DNAH9: variants seen among roughly 807,000 people sequenced by gnomAD.
The protein encoded by DNAH9 is DNAH9 variant protein.
Under a neutral mutation model 471.6 loss-of-function variants are expected in DNAH9, and 345 were observed. The observed-to-expected ratio is 0.73, with a 90% CI of 0.67 to 0.80. DNAH9 has a LOEUF of 0.80. Ranked by LOEUF, DNAH9 falls within the 30% of genes least tolerant of loss-of-function variation. The pLI is 0.00. For synonymous variants in DNAH9, 2,093 were observed against 2,123.6 expected (o/e 0.99, Z 0.40); for missense variants, 5,407 against 5,609.2 (o/e 0.96, Z 1.15).
At chr17:11,880,323 C>G in intron 54 of DNAH9, 123 bp downstream of exon 54, 1 of 1,214,220 alleles carries the variant, frequency 8.2e-7, no homozygotes, top group Non-Finnish European at 1.1e-6. Flanking sequence ...TAGCTCCCTG[C>G]AGCACATCCA....
At chr17:11,818,361 A>G (rs922939359) in intron 45 of DNAH9, among the ~76,000 whole-genome samples, 9 of 151,890 alleles carry the variant, frequency 5.9e-5, no homozygotes, top group Non-Finnish European at 1.0e-4. Context: ...CCTGGGAGGC[A>G]GAGGTTGCAG....
Position 11,902,861 on chromosome 17 carries a change from G to T in DNAH9, c.11549G>T (p.Arg3850Leu), listed in dbSNP as rs183724436. 9.9e-6 allele frequency: 16 copies of T among 1,613,888 alleles called. No homozygotes were observed. Among genetic ancestry groups the T allele is most frequent in the Non-Finnish European group, 1.3e-5 (15 of 1,179,856 alleles). Reference sequence around the variant, plus strand: ...TGGAAGAACAAGACAGCCCTGCAGCGCCTCTGCATGCTGAGAGCCATGCGG... The same window carrying T: ...TGGAAGAACAAGACAGCCCTGCAGCTCCTCTGCATGCTGAGAGCCATGCGG... ...QEWKNKTALQRLCMLRAMRPD... is the reference protein window; with the variant it reads ...QEWKNKTALQLLCMLRAMRPD... Residue 3850 changes from arginine (R) to leucine (L), a missense_variant, in exon 60 of 69, where the codon CGC (arginine) becomes CTC (leucine). Arg to Leu is a moderately radical substitution (Grantham distance 102). Coordinates refer to ENST00000262442, the MANE Select transcript of DNAH9 (RefSeq NM_001372.4).
chr17:11,785,811 A>G (rs1000248543), intron 41 of DNAH9, among the ~76,000 whole-genome samples: 2 of 152,220 alleles, frequency 1.3e-5, no homozygotes, highest in African/African-American at 2.4e-5. Context: ...GGCCTGGACG[A>G]CTTTCCACCA....
chr17:11,674,501 G>T (rs184283202), intron 17 of DNAH9, among the ~76,000 whole-genome samples: 15 of 152,094 alleles, frequency 9.9e-5, no homozygotes, highest in Admixed American at 2.6e-4. Flanking sequence ...CCTTTTCTCT[G>T]CCTATTCATA....
rs536385142 is a variant in DNAH9 at position 11,942,000 on chromosome 17, C to T, written c.12661-303C>T. Among the ~76,000 whole-genome samples, 3 of 152,330 alleles carry T rather than the reference C, an allele frequency of 2.0e-5. No homozygotes were observed. In the East Asian group the frequency reaches 5.8e-4, roughly 29 times the overall value. On this transcript the variant is annotated intron_variant, in intron 66 of 68. Transcript: ENST00000262442. ...TTTCTAGTTTGATTCCCACAGCCAA[C>T]TGGATCAGCCTCTGAGTTTTTCAAC...
intron 8 of DNAH9, among the ~76,000 whole-genome samples, chr17:11,633,392 G>C (rs2073104314): frequency 6.6e-6 from 1 of 152,166 alleles, no homozygotes; most frequent in Non-Finnish European, 1.5e-5. Context: ...GTTTAAGATG[G>C]AATGGACTTC....
rs74458578 is a variant in DNAH9 at position 11,719,983 on chromosome 17, G to A, written c.5709+493G>A. 3.0e-4 allele frequency among the ~76,000 whole-genome samples: 46 copies of A among 152,216 alleles called. No individual in the cohort carries two copies. The East Asian group carries it at 7.6e-3, about 25-fold the overall frequency. The stretch of plus-strand genomic sequence containing the variant: ...GGCAGAATATTCTGCAAGGGCAGGC[G>A]TGATTTCTGAAAGCAGGCTAATCAA... On this transcript the variant is annotated intron_variant, in intron 27 of 68. Coordinates refer to ENST00000262442, the MANE Select transcript of DNAH9 (RefSeq NM_001372.4).
rs186033470 is a variant in DNAH9 at position 11,669,825 on chromosome 17, A to T, written c.3353+31A>T. The T allele has an allele frequency of 7.5e-5, 119 of 1,579,298 alleles. No homozygotes were observed. In the African/African-American group the frequency reaches 1.4e-3, roughly 18 times the overall value. On this transcript the variant is annotated intron_variant, in intron 17 of 68. Coordinates refer to ENST00000262442, the MANE Select transcript of DNAH9 (RefSeq NM_001372.4). ...ACAGTTGTTTTCACTTTCTTCCAGC[A>T]TGCTAGGCTGTGAGGAACACCATGT...
chr17:11,783,776 C>T (rs1264658559), intron 40 of DNAH9, 28 bp downstream of exon 40: 3 of 1,583,804 alleles, frequency 1.9e-6, no homozygotes, highest in Non-Finnish European at 2.6e-6. Context: ...GGACCTGGGT[C>T]CTAATCCTAT....
At chr17:11,716,265 T>C (rs1185676278) in intron 26 of DNAH9, among the ~76,000 whole-genome samples, 2 of 151,970 alleles carry the variant, frequency 1.3e-5, no homozygotes, top group Non-Finnish European at 2.9e-5. Flanking sequence ...GTATTTTCAG[T>C]AAAGACGGTT....
intron 26 of DNAH9, among the ~76,000 whole-genome samples, chr17:11,712,846 C>G (rs189563436): frequency 6.8e-6 from 1 of 147,376 alleles, no homozygotes; most frequent in Non-Finnish European, 1.5e-5. Flanking sequence ...TTGTCCCAGT[C>G]TTTGCTCATT....
At chr17:11,806,180 C>G (rs1486277873) in intron 43 of DNAH9, among the ~76,000 whole-genome samples, 1 of 152,130 alleles carries the variant, frequency 6.6e-6, no homozygotes, top group Non-Finnish European at 1.5e-5. Context: ...ACTAACACAT[C>G]CAGTATATTC....
intron 17 of DNAH9, among the ~76,000 whole-genome samples, chr17:11,678,341 A>G (rs909505762): frequency 1.3e-5 from 2 of 152,126 alleles, no homozygotes; most frequent in African/African-American, 4.8e-5. Flanking sequence ...CATACTTACC[A>G]TTATTGCTCT....
chr17:11,653,215 C>G (rs958084731), intron 14 of DNAH9, among the ~76,000 whole-genome samples: 2 of 152,216 alleles, frequency 1.3e-5, no homozygotes, highest in African/African-American at 4.8e-5. Flanking sequence ...TTATTACTAT[C>G]TTCATGGTGA....
rs767780716 is a variant in DNAH9, at chr17:11,608,199, G to C, written c.488G>C (p.Arg163Thr). 21 of 1,614,020 alleles carry C rather than the reference G, an allele frequency of 1.3e-5. No homozygotes were observed. Among genetic ancestry groups the C allele is most frequent in the Non-Finnish European group, 1.8e-5 (21 of 1,179,890 alleles). The part of the protein sequence containing the change: ...NWPHMICEDV[R>T]RHAHSLQCDL... Reference sequence around the variant, plus strand: ...CCCCACATGATATGTGAGGATGTCAGGCGGCACGCCCACAGCCTCCAATGT... The same window carrying C: ...CCCCACATGATATGTGAGGATGTCACGCGGCACGCCCACAGCCTCCAATGT... Residue 163 changes from arginine (R) to threonine (T), a missense_variant, in exon 2 of 69, where the codon AGG (arginine) becomes ACG (threonine). Physicochemically the swap from Arg to Thr is moderately conservative, Grantham distance 71 (BLOSUM62 -1). Transcript: ENST00000262442.
At position 11,891,932 on chromosome 17, in the gene DNAH9, C is replaced by T; in HGVS notation, c.11268C>T (p.Ala3756=). The change falls in exon 58 of 69, where the codon GCC becomes GCT. Residue 3756 remains alanine, a synonymous_variant. Transcript: ENST00000262442. ...AGTGTGATAAGCTGACCTACCTTGCCCAGCTCACCTTTCAGGTAAAAGTGG... is the reference window on the plus strand; with the variant it reads ...AGTGTGATAAGCTGACCTACCTTGCTCAGCTCACCTTTCAGGTAAAAGTGG... ...LFECDKLTYL[A]QLTFQILLMN... 6.2e-7 allele frequency: 1 copy of T among 1,613,780 alleles called. No homozygotes were observed. The highest frequency in any genetic ancestry group is 8.5e-7 in the Non-Finnish European group (1 of 1,179,814).
At chr17:11,806,523 T>G (rs1349571133) in intron 43 of DNAH9, among the ~76,000 whole-genome samples, 1 of 152,136 alleles carries the variant, frequency 6.6e-6, no homozygotes, top group East Asian at 1.9e-4. Flanking sequence ...AGCTGAATTT[T>G]TAATGGCTTA....
chr17:11,965,098 G>A (rs1429614998), intron 68 of DNAH9, among the ~76,000 whole-genome samples: 3 of 152,200 alleles, frequency 2.0e-5, no homozygotes, highest in African/African-American at 7.2e-5. Context: ...GATGGCCATA[G>A]GGGGCTTTGA....
chr17:11,928,398 T>C (rs1178568691), intron 62 of DNAH9, among the ~76,000 whole-genome samples: 1 of 152,242 alleles, frequency 6.6e-6, no homozygotes, highest in African/African-American at 2.4e-5. Flanking sequence ...ATTACTGTGG[T>C]CCAAGTGCTG....
Sources: allele counts gnomAD v4.1 joint callset (sites outside exome capture counted in the v4.1 genomes callset), GRCh38; gene constraint gnomAD v4.1.1; transcripts MANE v1.5; gene names NCBI Gene and HGNC (gene_info 2026-07-23, HGNC 2026-07-21).